CREBRF: variants seen among roughly 807,000 people sequenced by gnomAD.
The protein encoded by CREBRF is CREB3 regulatory factor, also known as UPF0474 protein C5orf41.
CREBRF carries 5 observed loss-of-function variants against 66.1 expected under a neutral mutation model. The observed-to-expected ratio is 0.08, with a 90% confidence interval of 0.04 to 0.16. The LOEUF is 0.16. CREBRF is among the 10% of genes least tolerant of loss of function. CREBRF has a pLI of 1.00. For synonymous variants in CREBRF, 229 were observed against 264.4 expected (o/e 0.87, Z 1.30); for missense variants, 531 against 744.9 (o/e 0.71, Z 3.34).
chr5:173,089,141 C>T (rs2113732982), intron 3 of CREBRF, among the ~76,000 whole-genome samples: 1 of 145,266 alleles, frequency 6.9e-6, no homozygotes, highest in Non-Finnish European at 1.5e-5. Flanking sequence ...CGCGCCACTG[C>T]ACTCCAGTCT....
chr5:173,138,079 A>G lies in CREBRF; in HGVS notation c.*4334A>G, dbSNP rs2113823069. 1 of 152,286 alleles carries G rather than the reference A, an allele frequency of 6.6e-6. No individual in the cohort carries two copies. The highest frequency in any genetic ancestry group is 2.1e-4 in the South Asian group (1 of 4,834). 9.4% of individuals were successfully genotyped at this position (152,286 alleles called of 1,614,324 possible). A position where few individuals can be genotyped will look rare whatever the true frequency, so the allele number is the denominator to read the frequency against. On this transcript the variant is annotated 3_prime_UTR_variant, in exon 9 of 9. Transcript: ENST00000296953. The stretch of plus-strand genomic sequence containing the variant: ...TGGAATACCATTTCCCATGGAACTG[A>G]GGCCATTTCCACAACTTTGCACAGA...
intron 8 of CREBRF, among the ~76,000 whole-genome samples, chr5:173,131,610 C>T (rs1759424593): frequency 6.6e-6 from 1 of 151,936 alleles, no homozygotes; most frequent in Non-Finnish European, 1.5e-5. Flanking sequence ...CTTTTCATTC[C>T]ATCAGTCAAG....
intron 4 of CREBRF, among the ~76,000 whole-genome samples, chr5:173,093,876 G>C (rs1758410747): frequency 1.3e-5 from 2 of 152,110 alleles, no homozygotes; most frequent in Non-Finnish European, 2.9e-5. Context: ...TATTCATCCT[G>C]CATAACTGAA....
At chr5:173,085,537 C>G in intron 2 of CREBRF, 1 of 551,444 alleles carries the variant, frequency 1.8e-6, no homozygotes, top group Non-Finnish European at 3.2e-6. Context: ...CTACCTCAGC[C>G]TCCTGAGTAG....
rs13436278 is a variant in CREBRF at position 173,110,490 on chromosome 5, T to C, written c.1418-32T>C. On this transcript the variant is annotated intron_variant, in intron 5 of 8. Coordinates refer to ENST00000296953, the MANE Select transcript of CREBRF (RefSeq NM_153607.3). ...ACGTGTCTCTTGTTAATTAAAGTGA[T>C]CTGACTTAAACTTCTTTTAAACTGT... 395 of 1,511,658 alleles carry C rather than the reference T, an allele frequency of 2.6e-4. 1 individual carries two copies. The African/African-American group carries it at 4.9e-3, about 19-fold the overall frequency. 93.6% of individuals were successfully genotyped at this position (1,511,658 alleles called of 1,614,324 possible).
In CREBRF at chr5:173,092,977, T is replaced by C. The variant is rs572095343; in HGVS notation, c.1222+1576T>C. 2.6e-5 allele frequency among the ~76,000 whole-genome samples: 4 copies of C among 152,326 alleles called. No homozygotes were observed. In the East Asian group the frequency reaches 7.7e-4, roughly 29 times the overall value. ...CTCTTGGCAAGTGAATAAAATCTGC[T>C]TTGAGATATTTCAAGGAGACTTGAC... is the stretch of plus-strand genomic sequence containing the variant. On this transcript the variant is annotated intron_variant, in intron 4 of 8. Coordinates refer to ENST00000296953, the MANE Select transcript of CREBRF (RefSeq NM_153607.3).
intron 1 of CREBRF, among the ~76,000 whole-genome samples, chr5:173,061,073 T>G (rs1288286948): frequency 6.6e-6 from 1 of 152,172 alleles, no homozygotes; most frequent in Non-Finnish European, 1.5e-5. Context: ...GTTTAAGCGA[T>G]TCTCCTGCCT....
chr5:173,100,404 A>G (rs192691792), intron 4 of CREBRF, among the ~76,000 whole-genome samples: 1 of 151,630 alleles, frequency 6.6e-6, no homozygotes, highest in African/African-American at 2.4e-5. Context: ...TTACACAGTG[A>G]ATTTTATACT....
At chr5:173,069,569 A>G (rs572082025) in intron 1 of CREBRF, among the ~76,000 whole-genome samples, 21 of 152,194 alleles carry the variant, frequency 1.4e-4, no homozygotes, top group African/African-American at 3.8e-4. Flanking sequence ...TGATCCACCC[A>G]GCTTGGCCTC....
intron 4 of CREBRF, chr5:173,091,852 A>AG: frequency 1.1e-6 from 1 of 879,142 alleles, no homozygotes; most frequent in Non-Finnish European, 1.4e-6. Context: ...TGGGAGGCCG[A>AG]GGTGGGCGGA....
At chr5:173,087,998 T>C (rs1429873318) in intron 3 of CREBRF, among the ~76,000 whole-genome samples, 2 of 151,546 alleles carry the variant, frequency 1.3e-5, no homozygotes, top group African/African-American at 4.8e-5. Context: ...TAATTTTTTG[T>C]ATTTTTAGTA....
chr5:173,132,132 C>A (rs1378856844), intron 8 of CREBRF, among the ~76,000 whole-genome samples: 1 of 144,490 alleles, frequency 6.9e-6, no homozygotes, highest in Non-Finnish European at 1.5e-5. Flanking sequence ...GTTGCCCAGG[C>A]TGGAGTGCGG....
rs1175426794 is a variant in CREBRF, at chr5:173,133,661, T to C, written c.1836T>C (p.Phe612=). The change falls in exon 9 of 9, where the codon TTT becomes TTC. Residue 612 remains phenylalanine, a synonymous_variant. Transcript: ENST00000296953. The part of the protein sequence containing the change: ...GLPVAGQTSE[F]VNQVLEKTAE... ...CAGTTGCTGGGCAAACCTCAGAATTTGTTAACCAAGTGTTAGAGAAGACTG... is the reference window on the plus strand; with the variant it reads ...CAGTTGCTGGGCAAACCTCAGAATTCGTTAACCAAGTGTTAGAGAAGACTG... The C allele has an allele frequency of 1.9e-6, 3 of 1,612,776 alleles. No homozygotes were observed. In the Middle Eastern group the frequency reaches 4.9e-4, roughly 266 times the overall value.
rs70984932 is a variant in CREBRF, at chr5:173,058,786, C to CTT, written c.-192+2333_-192+2334dup. 2.4e-3 allele frequency among the ~76,000 whole-genome samples: 152 copies of CTT among 64,092 alleles called. 9 individuals are homozygous for CTT. Among genetic ancestry groups the CTT allele is most frequent in the Non-Finnish European group, 3.6e-3 (115 of 32,376 alleles). 42.0% of individuals were successfully genotyped at this position (64,092 alleles called of 152,430 possible). A position where few individuals can be genotyped will look rare whatever the true frequency, so the allele number is the denominator to read the frequency against. ...AGGCGTGAGCCACCGCGCCCAGCCTCTTTTTTTTTTTTTTTTTTTTTTTTT... is the reference window on the plus strand; with the variant it reads ...AGGCGTGAGCCACCGCGCCCAGCCTCTTTTTTTTTTTTTTTTTTTTTTTTTTT... On this transcript the variant is annotated intron_variant, in intron 1 of 8. Coordinates refer to ENST00000296953, the MANE Select transcript of CREBRF (RefSeq NM_153607.3).
chr5:173,110,685 G>A lies in CREBRF; in HGVS notation c.1581G>A (p.Arg527=), dbSNP rs116295349. ...ELPLTARPRS[R]KEKNKLASRA... ...CCTTAACAGCCCGACCAAGGTCAAGGAAGGAAAAAAATAAGCTGGCTTCCA... is the reference window on the plus strand; with the variant it reads ...CCTTAACAGCCCGACCAAGGTCAAGAAAGGAAAAAAATAAGCTGGCTTCCA... The change falls in exon 6 of 9, where the codon AGG becomes AGA. Residue 527 remains arginine, a synonymous_variant. Coordinates refer to ENST00000296953, the MANE Select transcript of CREBRF (RefSeq NM_153607.3). 8.3e-4 allele frequency: 1,331 copies of A among 1,605,066 alleles called. 10 individuals carry two copies. The African/African-American group carries it at 0.016, about 19-fold the overall frequency.
intron 1 of CREBRF, among the ~76,000 whole-genome samples, chr5:173,074,811 G>A (rs905872841): frequency 6.6e-6 from 1 of 151,852 alleles, no homozygotes; most frequent in Non-Finnish European, 1.5e-5. Context: ...TTAGTAGAGG[G>A]GGTTTCGCCA....
chr5:173,100,136 T>A, intron 4 of CREBRF, among the ~76,000 whole-genome samples: 1 of 126,140 alleles, frequency 7.9e-6, no homozygotes, highest in Admixed American at 7.9e-5. Flanking sequence ...ATATAATTTT[T>A]TTTTTTTTTT....
rs140021675 is a variant in CREBRF, at chr5:173,126,387, C to T, written c.1804+3185C>T. 8.1e-4 allele frequency among the ~76,000 whole-genome samples: 124 copies of T among 152,294 alleles called. No homozygotes were observed. The East Asian group carries it at 0.015, about 19-fold the overall frequency. On this transcript the variant is annotated intron_variant, in intron 8 of 8. Transcript: ENST00000296953. Reference sequence around the variant, plus strand: ...AACTCCTGACATCAAGTGATCTGCCCGCCTTGGCCTCCCAAAGTATTGGGA... The same window carrying T: ...AACTCCTGACATCAAGTGATCTGCCTGCCTTGGCCTCCCAAAGTATTGGGA...
intron 4 of CREBRF, among the ~76,000 whole-genome samples, chr5:173,100,131 A>AT (rs1184133658): frequency 0.021 from 916 of 42,704 alleles, 31 homozygotes; most frequent in African/African-American, 0.051. Context: ...TATATATATA[A>AT]TTTTTTTTTT....
Sources: gnomAD v4.1 joint callset for allele counts (sites outside exome capture counted in the v4.1 genomes callset) on GRCh38, gnomAD v4.1.1 for gene constraint, MANE v1.5 for transcripts, NCBI Gene and HGNC (gene_info 2026-07-23, HGNC 2026-07-21) for gene names.